Variants in PIK3R6 observed in about 807,000 individuals in gnomAD.
PIK3R6 encodes phosphoinositide 3-kinase regulatory subunit 6.
PIK3R6 carries 91 observed loss-of-function variants against 84.9 expected under a neutral mutation model. That is an observed-to-expected ratio of 1.07 (90% CI 0.90 to 1.28). The LOEUF (loss-of-function observed/expected upper bound fraction) is 1.28. Ranked by LOEUF, PIK3R6 falls within the 50% of genes most tolerant of loss-of-function variation. PIK3R6 has a pLI of 0.00. For missense variants in PIK3R6, 996 were observed against 985.1 expected (o/e 1.01, Z -0.15); for synonymous variants, 416 against 411.4 (o/e 1.01, Z -0.13).
At chr17:8,829,355 G>GAC (rs754159026) in intron 10 of PIK3R6, among the ~76,000 whole-genome samples, 37 of 128,916 alleles carry the variant, frequency 2.9e-4, no homozygotes, top group East Asian at 2.0e-3. Flanking sequence ...CAGACACACT[G>GAC]ACACACACAC....
In PIK3R6 at chr17:8,818,529, G is replaced by A. The variant is rs192211609; in HGVS notation, c.1995+554C>T. Among the ~76,000 whole-genome samples the A allele has an allele frequency of 2.3e-3, 348 of 152,270 alleles. 1 individual carries two copies. The highest frequency in any genetic ancestry group is 0.011 in the South Asian group (53 of 4,822). ...CTGGGCGAGGTGGTGCACGCCTGTA[G>A]TCCCAGCTACTGGAGAGGCTGAGGC... On this transcript the variant is annotated intron_variant, in intron 18 of 19. Transcript: ENST00000619866.
chr17:8,816,356 T>C (rs924497664), intron 18 of PIK3R6, among the ~76,000 whole-genome samples: 3 of 152,176 alleles, frequency 2.0e-5, no homozygotes, highest in African/African-American at 7.2e-5. Context: ...GCATTGTCCA[T>C]AGTTTAGGAA....
intron 2 of PIK3R6, among the ~76,000 whole-genome samples, chr17:8,845,335 G>C (rs1470068396): frequency 6.6e-6 from 1 of 152,176 alleles, no homozygotes; most frequent in Non-Finnish European, 1.5e-5. Context: ...GCCAGCATCT[G>C]TTGTTTTTTG....
intron 2 of PIK3R6, among the ~76,000 whole-genome samples, chr17:8,849,205 A>T (rs1326194025): frequency 6.6e-6 from 1 of 152,254 alleles, no homozygotes; most frequent in African/African-American, 2.4e-5. Flanking sequence ...AAATGAGGAT[A>T]ATCATCGTGC....
At chr17:8,832,852 G>C (rs574109658) in intron 9 of PIK3R6, 37 bp downstream of exon 9, 3 of 1,611,478 alleles carry the variant, frequency 1.9e-6, no homozygotes, top group Admixed American at 3.3e-5. Flanking sequence ...GCCCCCGCGG[G>C]ACTCTTGCCA....
intron 17 of PIK3R6, among the ~76,000 whole-genome samples, chr17:8,820,653 C>A (rs2087704899): frequency 6.6e-6 from 1 of 152,206 alleles, no homozygotes; most frequent in Non-Finnish European, 1.5e-5. Flanking sequence ...ATGTCATCCA[C>A]AAATTCAACT....
intron 2 of PIK3R6, among the ~76,000 whole-genome samples, chr17:8,843,713 T>C (rs779683022): frequency 5.3e-5 from 8 of 152,074 alleles, no homozygotes; most frequent in Non-Finnish European, 8.8e-5. Flanking sequence ...GTTTCTGGCA[T>C]CTCTCGAAAA....
intron 18 of PIK3R6, among the ~76,000 whole-genome samples, chr17:8,813,987 C>T (rs1216820470): frequency 1.3e-5 from 2 of 152,114 alleles, no homozygotes; most frequent in Non-Finnish European, 2.9e-5. Context: ...GAGTGACAGG[C>T]ATAATAAGCA....
chr17:8,843,416 A>G lies in PIK3R6; in HGVS notation c.14-3719T>C, dbSNP rs529470909. On this transcript the variant is annotated intron_variant, in intron 2 of 19. Transcript: ENST00000619866. The stretch of plus-strand genomic sequence containing the variant: ...GTGATTTCCTCTCATTCCCCTCATC[A>G]GAAGCACAGCCAAGCCTTTGTCTTC... Among the ~76,000 whole-genome samples the G allele has an allele frequency of 2.6e-5, 4 of 152,182 alleles. 1 individual carries two copies. In the East Asian group the frequency reaches 7.7e-4, roughly 29 times the overall value.
chr17:8,817,645 AAAAAC>A (rs893466567), intron 18 of PIK3R6, among the ~76,000 whole-genome samples: 4 of 151,306 alleles, frequency 2.6e-5, no homozygotes, highest in East Asian at 1.9e-4. Flanking sequence ...CGTCTCGAAA[AAAAAC>A]AAAACAAAAC....
rs907921375 is a variant in PIK3R6, at chr17:8,838,767, C to T, written c.98-112G>A. 2.3e-5 allele frequency: 23 copies of T among 991,084 alleles called. No individual in the cohort carries two copies. In the East Asian group the frequency reaches 2.7e-4, roughly 12 times the overall value. The allele number at this position is 991,084 out of a possible 1,614,324, so 61.4% of individuals were successfully genotyped here. ...CCTCAGCTGCAGCTCTGACCAGCCA[C>T]GGGTGTGACCCCGCCACCAGCGCTT... is the stretch of plus-strand genomic sequence containing the variant. On this transcript the variant is annotated intron_variant, in intron 3 of 19. Transcript: ENST00000619866.
rs1284560058 is a variant in PIK3R6, at chr17:8,832,902, C to T, written c.789G>A (p.Ala263=). Residue 263 remains alanine (A), a synonymous_variant, in exon 9 of 20, where the codon GCG becomes GCA. Transcript: ENST00000619866. ...EIYCSLLGPA[A]GRCGGDLVQE... is the part of the protein sequence containing the mutation. ...CCAGTCGCTTACCACCGCAGCGCCC[C>T]GCCGCGGGACCCAGCAGCGAGCAGT... 1 of 1,612,658 alleles carries T rather than the reference C, an allele frequency of 6.2e-7. No homozygotes were observed. Among genetic ancestry groups the T allele is most frequent in the African/African-American group, 1.3e-5 (1 of 74,924 alleles).
chr17:8,823,604 T>TGGGTTAGTGC, intron 13 of PIK3R6, 107 bp from the exon 14 acceptor site: 3 of 723,094 alleles, frequency 4.1e-6, no homozygotes, highest in Non-Finnish European at 7.3e-6. Context: ...TGGGATGCAC[T>TGGGTTAGTGC]AACCCAGTGC....
chr17:8,867,411 G>T, intron 1 of PIK3R6, 118 bp downstream of exon 1: 1 of 167,868 alleles, frequency 6.0e-6, no homozygotes, highest in Non-Finnish European at 1.3e-5. Flanking sequence ...GGATAAATAA[G>T]AGCCAGGGGT....
Position 8,835,291 on chromosome 17 carries a change from A to G in PIK3R6, c.627T>C (p.Ala209=), listed in dbSNP as rs781393960. Residue 209 remains alanine, a synonymous_variant, in exon 8 of 20, where the codon GCT becomes GCC. Transcript: ENST00000619866. ...CCATTACCTGCAGCTTCCTGTGCAG[A>G]GCGCCTGCGTGACAGGCCTCCCCCA... is the stretch of plus-strand genomic sequence containing the variant. ...AALGEACHAG[A]LHRKLQASPR... 1.3e-6 allele frequency: 2 copies of G among 1,575,560 alleles called. No individual in the cohort carries two copies. Among genetic ancestry groups the G allele is most frequent in the Non-Finnish European group, 1.7e-6 (2 of 1,156,480 alleles).
intron 8 of PIK3R6, among the ~76,000 whole-genome samples, chr17:8,833,399 C>G (rs963729130): frequency 9.9e-5 from 15 of 152,156 alleles, no homozygotes; most frequent in African/African-American, 3.6e-4. Flanking sequence ...CAGGAATTCA[C>G]AGGGAATTTT....
intron 12 of PIK3R6, 51 bp downstream of exon 12, chr17:8,828,061 C>A: frequency 1.3e-6 from 2 of 1,568,018 alleles, no homozygotes; most frequent in Non-Finnish European, 1.8e-6. Flanking sequence ...TGTGTCCCTG[C>A]CCAGCCTGCC....
rs2087107599 is a variant in PIK3R6, at chr17:8,803,579, G to A, written c.2109-150C>T. On this transcript the variant is annotated intron_variant, in intron 19 of 19. Transcript: ENST00000619866. The surrounding 1 kb of genome is among the most constrained non-coding windows in gnomAD (Gnocchi z 5.0). ...TACACAGAAGAAAGAGGAAGAGTCAGGACAAGAAAGAAAAACCTGGGCCTG... is the reference window on the plus strand; with the variant it reads ...TACACAGAAGAAAGAGGAAGAGTCAAGACAAGAAAGAAAAACCTGGGCCTG... 1 of 796,468 alleles carries A rather than the reference G, an allele frequency of 1.3e-6. No individual in the cohort carries two copies. Among genetic ancestry groups the A allele is most frequent in the Non-Finnish European group, 1.9e-6 (1 of 528,242 alleles). The allele number at this position is 796,468 out of a possible 1,614,324, so 49.3% of individuals were successfully genotyped here.
At chr17:8,846,184 G>A (rs1597427628) in intron 2 of PIK3R6, among the ~76,000 whole-genome samples, 1 of 152,132 alleles carries the variant, frequency 6.6e-6, no homozygotes, top group African/African-American at 2.4e-5. Context: ...CATATGGCTA[G>A]CCAGTTATCC....
Sources: allele counts gnomAD v4.1 joint callset (sites outside exome capture counted in the v4.1 genomes callset), GRCh38; gene constraint gnomAD v4.1.1; non-coding constraint Gnocchi (gnomAD v3.1); transcripts MANE v1.5; gene names NCBI Gene and HGNC (gene_info 2026-07-23, HGNC 2026-07-21).